The following ST6GALNAC5 variants were observed in gnomAD, a reference collection of about 807,000 sequenced individuals.
ST6GALNAC5 encodes the protein ST6 N-acetylgalactosaminide alpha-2,6-sialyltransferase 5.
ST6GALNAC5 carries 27 observed loss-of-function variants against 33.6 expected under a neutral mutation model. The observed-to-expected ratio is 0.80, with a 90% confidence interval of 0.59 to 1.11. ST6GALNAC5 has a LOEUF of 1.11. Among genes scored for constraint, ST6GALNAC5 ranks in the 50% least tolerant of loss-of-function variants. ST6GALNAC5 has a pLI of 0.00. For missense variants in ST6GALNAC5, 428 were observed against 454.0 expected, an observed-to-expected ratio of 0.94 and a Z score of 0.52; for synonymous variants, 194 against 171.2, an observed-to-expected ratio of 1.13 and a Z score of -1.04.
intron 2 of ST6GALNAC5, among the ~76,000 whole-genome samples, chr1:76,947,675 G>T (rs1229014179): frequency 6.6e-6 from 1 of 152,092 alleles, no homozygotes; most frequent in African/African-American, 2.4e-5. Context: ...GAGCCCAGGA[G>T]TTCAAGGCTG....
At chr1:76,949,755 T>C (rs1021343519) in intron 2 of ST6GALNAC5, among the ~76,000 whole-genome samples, 2 of 152,152 alleles carry the variant, frequency 1.3e-5, no homozygotes, top group African/African-American at 4.8e-5. Flanking sequence ...GAAAAACCAT[T>C]AGACCCATCA....
At chr1:76,887,657 G>A (rs780429366) in intron 2 of ST6GALNAC5, among the ~76,000 whole-genome samples, 4 of 152,014 alleles carry the variant, frequency 2.6e-5, no homozygotes, top group Non-Finnish European at 5.9e-5. Context: ...TCATCTGACC[G>A]ATTCCAGTTA....
chr1:77,047,271 C>G (rs1038369361), intron 3 of ST6GALNAC5, among the ~76,000 whole-genome samples: 1 of 152,180 alleles, frequency 6.6e-6, no homozygotes, highest in African/African-American at 2.4e-5. Context: ...TTACCTGTAG[C>G]CTGCTCCAAG....
intron 2 of ST6GALNAC5, among the ~76,000 whole-genome samples, chr1:77,000,764 C>A (rs936670176): frequency 2.0e-5 from 3 of 151,424 alleles, no homozygotes; most frequent in African/African-American, 7.3e-5. Flanking sequence ...TTCCCCATTG[C>A]TTGTTTTTCT....
At chr1:76,981,945 A>G (rs1423697341) in intron 2 of ST6GALNAC5, among the ~76,000 whole-genome samples, 1 of 152,212 alleles carries the variant, frequency 6.6e-6, no homozygotes, top group Non-Finnish European at 1.5e-5. Context: ...AAAACTAATG[A>G]GCAGAAAGGA....
At chr1:76,959,426 G>A (rs1283167443) in intron 2 of ST6GALNAC5, among the ~76,000 whole-genome samples, 1 of 151,886 alleles carries the variant, frequency 6.6e-6, no homozygotes, top group Admixed American at 6.6e-5. Flanking sequence ...TCTTTGCTTT[G>A]GCTTGTTTAT....
intron 4 of ST6GALNAC5, among the ~76,000 whole-genome samples, chr1:77,059,671 A>G (rs933783415): frequency 6.6e-6 from 1 of 152,188 alleles, no homozygotes; most frequent in Admixed American, 6.5e-5. Flanking sequence ...CTTTCAGGTT[A>G]TGCAGGTAGC....
intron 2 of ST6GALNAC5, among the ~76,000 whole-genome samples, chr1:76,885,491 T>G (rs893351933): frequency 2.0e-5 from 3 of 152,226 alleles, no homozygotes; most frequent in Non-Finnish European, 2.9e-5. Flanking sequence ...TTTATTCATC[T>G]ATGTTGGATA....
chr1:77,049,631 A>G (rs1652153259), intron 3 of ST6GALNAC5, among the ~76,000 whole-genome samples: 1 of 152,194 alleles, frequency 6.6e-6, no homozygotes, highest in African/African-American at 2.4e-5. Context: ...GATATGTAAA[A>G]TGAAGCAAAT....
chr1:76,946,365 T>G (rs1647517665), intron 2 of ST6GALNAC5, among the ~76,000 whole-genome samples: 1 of 152,140 alleles, frequency 6.6e-6, no homozygotes, highest in Admixed American at 6.5e-5. Flanking sequence ...GGTTGACTAT[T>G]GTATTTGACA....
chr1:76,893,195 G>A (rs1429292061), intron 2 of ST6GALNAC5, among the ~76,000 whole-genome samples: 1 of 152,132 alleles, frequency 6.6e-6, no homozygotes, highest in East Asian at 1.9e-4. Flanking sequence ...TAGAGTAAGT[G>A]CACAGTAAAA....
chr1:77,012,733 C>A (rs778779167), intron 2 of ST6GALNAC5, among the ~76,000 whole-genome samples: 11 of 152,034 alleles, frequency 7.2e-5, no homozygotes, highest in Non-Finnish European at 1.3e-4. Context: ...TATAATAGAA[C>A]TTTGGATTAA....
intron 2 of ST6GALNAC5, among the ~76,000 whole-genome samples, chr1:76,983,974 ACACAACGTGT>A (rs1379511549): frequency 3.9e-5 from 6 of 152,264 alleles, no homozygotes; most frequent in Non-Finnish European, 7.3e-5. Context: ...GAGAACAAAG[ACACAACGTGT>A]CAGAATCTCT....
intron 2 of ST6GALNAC5, among the ~76,000 whole-genome samples, chr1:76,948,155 C>A (rs1647596024): frequency 6.6e-6 from 1 of 152,130 alleles, no homozygotes; most frequent in Admixed American, 6.5e-5. Context: ...TAAAAGTTTC[C>A]ATGAGGCGTG....
intron 3 of ST6GALNAC5, among the ~76,000 whole-genome samples, chr1:77,048,565 T>C (rs926225406): frequency 5.3e-5 from 8 of 152,168 alleles, no homozygotes; most frequent in Non-Finnish European, 1.2e-4. Flanking sequence ...AGAAGGAAAA[T>C]CATTAATACC....
intron 2 of ST6GALNAC5, among the ~76,000 whole-genome samples, chr1:77,039,270 T>C (rs1359193829): frequency 6.6e-6 from 1 of 152,212 alleles, no homozygotes; most frequent in Non-Finnish European, 1.5e-5. Flanking sequence ...GACCTTGGCA[T>C]CAAGCTCTTA....
chr1:77,029,597 G>A lies in ST6GALNAC5; in HGVS notation c.262-14607G>A, dbSNP rs137971234. 4.6e-5 allele frequency among the ~76,000 whole-genome samples: 7 copies of A among 152,316 alleles called. No individual in the cohort carries two copies. In the East Asian group the frequency reaches 1.2e-3, roughly 25 times the overall value. On this transcript the variant is annotated intron_variant, in intron 2 of 4. Transcript: ENST00000477717. The stretch of plus-strand genomic sequence containing the variant: ...GGGACTAGAAACGAAGTCCCTGACT[G>A]GGCAGCCACTTCCATCTGTGACTCC...
intron 2 of ST6GALNAC5, among the ~76,000 whole-genome samples, chr1:77,040,323 G>C (rs192071468): frequency 9.8e-5 from 15 of 152,326 alleles, no homozygotes; most frequent in African/African-American, 3.6e-4. Flanking sequence ...GCATACTTCA[G>C]ACTTCGATCT....
chr1:77,055,662 T>C (rs538959315), intron 4 of ST6GALNAC5, among the ~76,000 whole-genome samples: 1 of 151,776 alleles, frequency 6.6e-6, no homozygotes, highest in African/African-American at 2.4e-5. Context: ...GTGGCCCTTC[T>C]TTCTCAGCTC....
Sources: gnomAD v4.1 joint callset for allele counts (sites outside exome capture counted in the v4.1 genomes callset) on GRCh38, gnomAD v4.1.1 for gene constraint, MANE v1.5 for transcripts, NCBI Gene and HGNC (gene_info 2026-07-23, HGNC 2026-07-21) for gene names.